Variants in DMC1 observed in about 807,000 individuals in gnomAD.
DMC1 encodes the protein DNA meiotic recombinase 1, also known as meiotic recombination protein DMC1 homolog.
In DMC1, 27 loss-of-function variants were observed where a neutral mutation model predicts 50.1. The observed-to-expected ratio is 0.54, with a 90% CI of 0.40 to 0.74. The LOEUF (loss-of-function observed/expected upper bound fraction) is 0.74, where lower values mean the gene tolerates loss of function less well. Ranked by LOEUF, DMC1 falls within the 30% of genes least tolerant of loss-of-function variation. The pLI is 0.00. For missense variants in DMC1, 295 were observed against 420.2 expected (o/e 0.70, Z 2.60); for synonymous variants, 148 against 136.1 (o/e 1.09, Z -0.61).
chr22:38,568,291 T>C lies in DMC1; in HGVS notation c.-33-2A>G. 2 of 1,607,554 alleles carry C rather than the reference T, an allele frequency of 1.2e-6. No homozygotes were observed. Among genetic ancestry groups the C allele is most frequent in the Non-Finnish European group, 1.7e-6 (2 of 1,174,030 alleles). ...TGGGCAACAGAAAAATAATCACTTCTGGGAAAATAAGAAATATTATGTAAG... is the reference window on the plus strand; with the variant it reads ...TGGGCAACAGAAAAATAATCACTTCCGGGAAAATAAGAAATATTATGTAAG... On this transcript the variant is annotated splice_acceptor_variant, in intron 1 of 13. Coordinates refer to ENST00000216024, the MANE Select transcript of DMC1 (RefSeq NM_007068.4). LOFTEE classifies it low-confidence loss of function (5UTR_SPLICE).
At position 38,537,631 on chromosome 22, in the gene DMC1, A is replaced by G. The variant is rs780469422; in HGVS notation, c.797T>C (p.Val266Ala). The G allele has an allele frequency of 1.9e-6, 3 of 1,614,092 alleles. No homozygotes were observed. The highest frequency in any genetic ancestry group is 2.5e-6 in the Non-Finnish European group (3 of 1,179,952). The change falls in exon 12 of 14, where the codon GTG becomes GCG. Residue 266 changes from valine to alanine, a missense_variant. Coordinates refer to ENST00000216024, the MANE Select transcript of DMC1 (RefSeq NM_007068.4). Reference protein sequence around the residue: ...ISEEYNVAVFVTNQMTADPGA... With the variant: ...ISEEYNVAVFATNQMTADPGA... The stretch of plus-strand genomic sequence containing the variant: ...TGGATCGGCAGTCATTTGATTGGTC[A>G]CAAAAACAGCCACGTTATATTCTGC...
intron 6 of DMC1, among the ~76,000 whole-genome samples, chr22:38,553,622 G>A (rs981681336): frequency 2.0e-5 from 3 of 151,664 alleles, no homozygotes; most frequent in Admixed American, 1.3e-4. Context: ...TCAGGAGTTC[G>A]AGACCAGCCT....
chr22:38,557,854 G>C (rs185257394), intron 5 of DMC1, among the ~76,000 whole-genome samples: 2 of 151,472 alleles, frequency 1.3e-5, no homozygotes, highest in African/African-American at 2.4e-5. Context: ...ACATTTAATG[G>C]TGCCTACAAC....
At chr22:38,531,955 T>C (rs1256783920) in intron 12 of DMC1, among the ~76,000 whole-genome samples, 1 of 152,156 alleles carries the variant, frequency 6.6e-6, no homozygotes, top group Non-Finnish European at 1.5e-5. Context: ...CTATCTGACC[T>C]AATTTCCGCT....
intron 9 of DMC1, 120 bp downstream of exon 9, chr22:38,539,201 A>G (rs2090252294): frequency 1.4e-6 from 1 of 735,538 alleles, no homozygotes; most frequent in South Asian, 1.6e-5. Flanking sequence ...TAGACTGAGT[A>G]AATTAATTTA....
In DMC1 at chr22:38,536,344, T is replaced by C. The variant is rs916828455; in HGVS notation, c.836+1248A>G. On this transcript the variant is annotated intron_variant, in intron 12 of 13. Transcript: ENST00000216024. ...GCAGTGGTGTGTATTTAGGATTATT[T>C]TGATTGCTTATTCAGACACATAATG... 3.9e-5 allele frequency among the ~76,000 whole-genome samples: 6 copies of C among 152,164 alleles called. No individual in the cohort carries two copies. The East Asian group carries it at 5.8e-4, about 15-fold the overall frequency.
chr22:38,511,504 C>T, the DMC1 span, among the ~76,000 whole-genome samples: 2 of 151,984 alleles, frequency 1.3e-5, no homozygotes, highest in African/African-American at 4.8e-5. Flanking sequence ...GTGGGAGCGT[C>T]ACTTGAGCCC....
chr22:38,529,372 G>A (rs1483175513), intron 12 of DMC1, among the ~76,000 whole-genome samples: 1 of 152,054 alleles, frequency 6.6e-6, no homozygotes, highest in Non-Finnish European at 1.5e-5. Context: ...ACCTCCTTGA[G>A]CCTATCATCT....
intron 12 of DMC1, among the ~76,000 whole-genome samples, chr22:38,526,469 A>C (rs2090090737): frequency 2.0e-5 from 3 of 151,824 alleles, no homozygotes; most frequent in Admixed American, 2.0e-4. Context: ...CAGCCTCCCA[A>C]AGTGCTGGGA....
In DMC1 at chr22:38,521,717, C is replaced by G. The variant is rs2090030813; in HGVS notation, c.844G>C (p.Ala282Pro). The G allele has an allele frequency of 6.2e-7, 1 of 1,608,726 alleles. No homozygotes were observed. Among genetic ancestry groups the G allele is most frequent in the African/African-American group, 1.3e-5 (1 of 74,768 alleles). ...CCCCCAATGGGTTTTTTGGGATCTG[C>G]CTGAAAGCTGAATTAATAAAATACT... is the stretch of plus-strand genomic sequence containing the variant. ...ADPGATMTFQ[A>P]DPKKPIGGHI... The change falls in exon 13 of 14, where the codon GCA becomes CCA. Residue 282 changes from alanine to proline, a missense_variant. Transcript: ENST00000216024.
chr22:38,539,736 A>G (rs1165777091), intron 8 of DMC1, among the ~76,000 whole-genome samples: 1 of 152,200 alleles, frequency 6.6e-6, no homozygotes, highest in East Asian at 1.9e-4. Flanking sequence ...GACACTGGCA[A>G]ACAGAGATTA....
chr22:38,544,510 G>A (rs955952298), intron 8 of DMC1, among the ~76,000 whole-genome samples: 13 of 152,100 alleles, frequency 8.5e-5, no homozygotes, highest in African/African-American at 3.1e-4. Flanking sequence ...ACTGATAGAT[G>A]TCTCATGTCT....
chr22:38,564,680 T>G (rs2090563602), intron 4 of DMC1, among the ~76,000 whole-genome samples: 1 of 152,242 alleles, frequency 6.6e-6, no homozygotes, highest in Admixed American at 6.5e-5. Flanking sequence ...GAGAAGATTC[T>G]TGGTGCAGTA....
At chr22:38,512,080 T>C in the DMC1 span, among the ~76,000 whole-genome samples, 1 of 152,082 alleles carries the variant, frequency 6.6e-6, no homozygotes, top group Non-Finnish European at 1.5e-5. Context: ...GTTCAAGAGA[T>C]TCACCCGCCT....
intron 8 of DMC1, among the ~76,000 whole-genome samples, chr22:38,542,623 T>C (rs910584368): frequency 2.6e-5 from 4 of 152,172 alleles, no homozygotes; most frequent in Non-Finnish European, 5.9e-5. Flanking sequence ...AAAATGTCCA[T>C]ACTAAACACA....
downstream of DMC1, among the ~76,000 whole-genome samples, chr22:38,516,810 GAATAAT>G (rs1468779610): frequency 6.6e-6 from 1 of 152,034 alleles, no homozygotes; most frequent in South Asian, 2.1e-4. Context: ...GTGGCCAGTT[GAATAAT>G]CTTTTTCTTT....
In DMC1 at chr22:38,568,275, GA is replaced by G; in HGVS notation, c.-20del. The G allele has an allele frequency of 6.2e-7, 1 of 1,613,404 alleles. No individual in the cohort carries two copies. Among genetic ancestry groups the G allele is most frequent in the Non-Finnish European group, 8.5e-7 (1 of 1,179,400 alleles). Reference sequence around the variant, plus strand: ...CCTTCATATTGAAAAGTGGGCAACAGAAAAATAATCACTTCTGGGAAAATAA... The same window carrying G: ...CCTTCATATTGAAAAGTGGGCAACAGAAAATAATCACTTCTGGGAAAATAA... On this transcript the variant is annotated 5_prime_UTR_variant, in exon 2 of 14. Transcript: ENST00000216024.
chr22:38,535,607 C>CT lies in DMC1; in HGVS notation c.836+1984dup, dbSNP rs200179351. ...TCTAAATAAAAACCTTTAAAAAAAT[C>CT]TTTTTTTTTTTTGTTTTTGAGACGG... is the stretch of plus-strand genomic sequence containing the variant. On this transcript the variant is annotated intron_variant, in intron 12 of 13. Transcript: ENST00000216024. 3.8e-3 allele frequency among the ~76,000 whole-genome samples: 549 copies of CT among 143,512 alleles called. 1 individual carries two copies. The highest frequency in any genetic ancestry group is 7.5e-3 in the African/African-American group (295 of 39,474). The allele number at this position is 143,512 out of a possible 152,430, so 94.1% of individuals were successfully genotyped here.
rs534643287 is a variant in DMC1 at position 38,532,685 on chromosome 22, A to T, written c.836+4907T>A. Among the ~76,000 whole-genome samples the T allele has an allele frequency of 1.6e-3, 245 of 151,478 alleles. 1 individual carries two copies. Among genetic ancestry groups the T allele is most frequent in the Admixed American group, 3.1e-3 (47 of 15,172 alleles). ...CCCAGGCTGGAGTGCAGTGGTGCAA[A>T]CATGGCTCACTGCAGCCTTGACCTC... On this transcript the variant is annotated intron_variant, in intron 12 of 13. Transcript: ENST00000216024.
Sources: allele counts gnomAD v4.1 joint callset (sites outside exome capture counted in the v4.1 genomes callset), GRCh38; gene constraint gnomAD v4.1.1; transcripts MANE v1.5; gene names NCBI Gene and HGNC (gene_info 2026-07-23, HGNC 2026-07-21).